RPH3A: variants seen among roughly 807,000 people sequenced by gnomAD.
RPH3A encodes rabphilin 3A, also known as rabphilin-3A.
A neutral mutation model predicts 102.2 loss-of-function variants in RPH3A; 48 were observed. The ratio of observed to expected loss-of-function variants is 0.47; its 90% CI spans 0.37 to 0.60. RPH3A has a LOEUF of 0.60. Among genes scored for constraint, RPH3A ranks in the 20% least tolerant of loss-of-function variants. The pLI, the probability that RPH3A is intolerant of heterozygous loss-of-function variation, is 0.00. For synonymous variants in RPH3A, 310 were observed against 324.3 expected (o/e 0.96, Z 0.47); for missense variants, 781 against 910.1 (o/e 0.86, Z 1.83).
intron 1 of RPH3A, among the ~76,000 whole-genome samples, chr12:112,694,650 G>GCA (rs71086119): frequency 0.05 from 4,873 of 98,250 alleles, 77 homozygotes; most frequent in Middle Eastern, 0.1. Context: ...GCGCGCACAC[G>GCA]CACACACACA....
intron 1 of RPH3A, among the ~76,000 whole-genome samples, chr12:112,602,980 A>G (rs2039570064): frequency 6.6e-6 from 1 of 152,186 alleles, no homozygotes; most frequent in Non-Finnish European, 1.5e-5. Flanking sequence ...AAACAGGGAA[A>G]TCTGTGTATT....
At chr12:112,731,037 T>C (rs1294757610) in intron 1 of RPH3A, among the ~76,000 whole-genome samples, 1 of 152,216 alleles carries the variant, frequency 6.6e-6, no homozygotes, top group African/African-American at 2.4e-5. Flanking sequence ...AGAAAAGAGC[T>C]GAGCCGTGTT....
At chr12:112,670,927 A>C (rs1383472449) in intron 1 of RPH3A, among the ~76,000 whole-genome samples, 2 of 152,188 alleles carry the variant, frequency 1.3e-5, no homozygotes, top group Non-Finnish European at 2.9e-5. Flanking sequence ...GAGGATCTGC[A>C]AAATCGTGTT....
intron 1 of RPH3A, among the ~76,000 whole-genome samples, chr12:112,640,782 A>C (rs1382295397): frequency 6.6e-6 from 1 of 152,156 alleles, no homozygotes; most frequent in Non-Finnish European, 1.5e-5. Flanking sequence ...AGAATGATGA[A>C]CATGACAAGT....
At chr12:112,879,479 C>T (rs2042867999) in intron 14 of RPH3A, among the ~76,000 whole-genome samples, 1 of 152,220 alleles carries the variant, frequency 6.6e-6, no homozygotes, top group Admixed American at 6.5e-5. Flanking sequence ...CCTGGGCCAG[C>T]AGTGTCTCTG....
chr12:112,636,416 T>C (rs1192760518), intron 1 of RPH3A, among the ~76,000 whole-genome samples: 2 of 152,198 alleles, frequency 1.3e-5, no homozygotes, highest in Non-Finnish European at 2.9e-5. Context: ...AGAACAGTGT[T>C]TCTCAACTTG....
intron 2 of RPH3A, among the ~76,000 whole-genome samples, chr12:112,821,722 A>G (rs1461042651): frequency 6.6e-6 from 1 of 152,142 alleles, no homozygotes; most frequent in African/African-American, 2.4e-5. Context: ...TCACCTGTGG[A>G]CACATTTAAT....
At chr12:112,692,115 C>A (rs2040310916) in intron 1 of RPH3A, among the ~76,000 whole-genome samples, 1 of 152,066 alleles carries the variant, frequency 6.6e-6, no homozygotes, top group Non-Finnish European at 1.5e-5. Context: ...TATGTGGAAG[C>A]TTAAAGTTGG....
chr12:112,810,102 C>T (rs2075040991), intron 2 of RPH3A, among the ~76,000 whole-genome samples: 1 of 152,198 alleles, frequency 6.6e-6, no homozygotes, highest in Non-Finnish European at 1.5e-5. Flanking sequence ...AGACTCCAAA[C>T]TAAGAAATAA....
intron 1 of RPH3A, among the ~76,000 whole-genome samples, chr12:112,669,941 A>G (rs1176506435): frequency 6.6e-6 from 1 of 152,190 alleles, no homozygotes; most frequent in Non-Finnish European, 1.5e-5. Flanking sequence ...TCAGTCTCCA[A>G]TTGATGGATA....
At chr12:112,891,090 G>A (rs571446839) in intron 19 of RPH3A, 87 bp downstream of exon 19, 38 of 1,471,480 alleles carry the variant, frequency 2.6e-5, no homozygotes, top group Non-Finnish European at 3.3e-5. Context: ...CACCAAGATC[G>A]TTGTACACTG....
chr12:112,755,190 A>G (rs1305443804), intron 1 of RPH3A, among the ~76,000 whole-genome samples: 1 of 152,082 alleles, frequency 6.6e-6, no homozygotes, highest in East Asian at 1.9e-4. Flanking sequence ...CCTTTTATTC[A>G]TCTAGTTCTC....
chr12:112,875,005 G>A, intron 10 of RPH3A, 79 bp from the exon 11 acceptor site: 1 of 1,251,102 alleles, frequency 8.0e-7, no homozygotes, highest in Non-Finnish European at 1.1e-6. Context: ...CCCCACACCA[G>A]CTGAGTGGTC....
chr12:112,692,479 A>G (rs114117330), intron 1 of RPH3A, among the ~76,000 whole-genome samples: 2,070 of 152,308 alleles, frequency 0.014, 49 homozygotes, highest in African/African-American at 0.047. Flanking sequence ...ATGTGAGTCA[A>G]TTCTGACCAG....
intron 1 of RPH3A, among the ~76,000 whole-genome samples, chr12:112,758,558 G>A (rs759835008): frequency 1.3e-5 from 2 of 152,164 alleles, no homozygotes; most frequent in Non-Finnish European, 2.9e-5. Context: ...TATGCTAAAT[G>A]TTCCAATTGC....
chr12:112,713,229 A>C (rs551353121), intron 1 of RPH3A, among the ~76,000 whole-genome samples: 1 of 151,696 alleles, frequency 6.6e-6, no homozygotes, highest in Non-Finnish European at 1.5e-5. Context: ...ACCATGCCTG[A>C]CATGTATTTG....
In RPH3A at chr12:112,846,682, T is replaced by C. The variant is rs376877806; in HGVS notation, c.84-1014T>C. ...CAGAGTTCCTGATTTTTCTCCCTCA[T>C]AGGGACAAGAATTTCTAGTGGTGTT... On this transcript the variant is annotated intron_variant, in intron 4 of 21. Coordinates refer to ENST00000389385, the MANE Select transcript of RPH3A (RefSeq NM_001143854.2). Among the ~76,000 whole-genome samples, 8 of 152,360 alleles carry C rather than the reference T, an allele frequency of 5.3e-5. No homozygotes were observed. In the East Asian group the frequency reaches 9.6e-4, roughly 18 times the overall value.
chr12:112,739,159 T>C (rs2040690237), intron 1 of RPH3A, among the ~76,000 whole-genome samples: 1 of 152,202 alleles, frequency 6.6e-6, no homozygotes, highest in African/African-American at 2.4e-5. Context: ...CTGCCAACCC[T>C]GCCTCCTCAA....
chr12:112,699,258 T>C (rs2040375052), intron 1 of RPH3A, among the ~76,000 whole-genome samples: 1 of 152,176 alleles, frequency 6.6e-6, no homozygotes, highest in Non-Finnish European at 1.5e-5. Context: ...ATAGTTACTA[T>C]ATGACCCAGC....
Sources: gnomAD v4.1 joint callset for allele counts (sites outside exome capture counted in the v4.1 genomes callset) on GRCh38, gnomAD v4.1.1 for gene constraint, MANE v1.5 for transcripts, NCBI Gene and HGNC (gene_info 2026-07-23, HGNC 2026-07-21) for gene names.